Variants in ZRANB3 observed in about 807,000 individuals in gnomAD.
ZRANB3 encodes zinc finger RANBP2-type containing 3.
In ZRANB3, 125 loss-of-function variants were observed where a neutral mutation model predicts 133.8. The ratio of observed to expected loss-of-function variants is 0.93; its 90% CI spans 0.81 to 1.08. ZRANB3 has a LOEUF of 1.08. ZRANB3 is among the 50% of genes least tolerant of loss of function. The pLI is 0.00. For missense variants in ZRANB3, 1,229 were observed against 1,275.5 expected (o/e 0.96, Z 0.56); for synonymous variants, 387 against 432.7 (o/e 0.89, Z 1.31).
chr2:135,495,260 A>T (rs1171683772), intron 2 of ZRANB3, among the ~76,000 whole-genome samples: 1 of 152,196 alleles, frequency 6.6e-6, no homozygotes, highest in East Asian at 1.9e-4. Flanking sequence ...AAAAAAAATA[A>T]AAAGTTAAAT....
At chr2:135,316,836 T>G (rs1296668667) in intron 6 of ZRANB3, among the ~76,000 whole-genome samples, 3 of 151,694 alleles carry the variant, frequency 2.0e-5, no homozygotes, top group African/African-American at 7.3e-5. Flanking sequence ...CATGGTGGTG[T>G]GTGCCTGTAG....
intron 1 of ZRANB3, among the ~76,000 whole-genome samples, chr2:135,514,675 T>C (rs1020211963): frequency 6.6e-5 from 10 of 152,174 alleles, no homozygotes; most frequent in Admixed American, 5.2e-4. Context: ...ACCAATACTA[T>C]GCTGAATAGG....
Position 135,426,869 on chromosome 2 carries a change from T to A in ZRANB3, c.162-36049A>T, listed in dbSNP as rs1216188735. ...AAAAAAAAAAAAAAAAAAAAATATA[T>A]ATATATATATATATATATATATATA... On this transcript the variant is annotated intron_variant, in intron 2 of 20. Coordinates refer to ENST00000264159, the MANE Select transcript of ZRANB3 (RefSeq NM_032143.4). Among the ~76,000 whole-genome samples the A allele has an allele frequency of 7.2e-3, 102 of 14,110 alleles. 17 individuals are homozygous for A. In the East Asian group the frequency reaches 0.16, roughly 22 times the overall value. The allele number at this position is 14,110 out of a possible 152,430, so 9.3% of individuals were successfully genotyped here. A position where few individuals can be genotyped will look rare whatever the true frequency, so the allele number is the denominator to read the frequency against.
chr2:135,500,053 G>A (rs980147198), intron 2 of ZRANB3, among the ~76,000 whole-genome samples: 4 of 152,136 alleles, frequency 2.6e-5, no homozygotes, highest in African/African-American at 9.7e-5. Context: ...AGTCAAGAAA[G>A]AGAGCCCTGG....
intron 15 of ZRANB3, among the ~76,000 whole-genome samples, chr2:135,223,658 TA>T (rs1357796924): frequency 1.3e-5 from 2 of 152,164 alleles, no homozygotes; most frequent in African/African-American, 4.8e-5. Flanking sequence ...GGCTCCATTT[TA>T]ATTTCAAATA....
intron 12 of ZRANB3, among the ~76,000 whole-genome samples, chr2:135,259,188 T>A (rs1679818153): frequency 6.6e-6 from 1 of 151,826 alleles, no homozygotes; most frequent in African/African-American, 2.4e-5. Context: ...CCCAGCTAAT[T>A]TTCTTATTTT....
At chr2:135,224,303 TTA>T in intron 15 of ZRANB3, 121 bp downstream of exon 15, 1 of 756,956 alleles carries the variant, frequency 1.3e-6, no homozygotes, top group South Asian at 2.5e-5. Context: ...AATTTGAGAA[TTA>T]GCTTTGAGGA....
intron 8 of ZRANB3, among the ~76,000 whole-genome samples, chr2:135,299,064 T>C (rs1006766300): frequency 2.3e-4 from 35 of 152,244 alleles, no homozygotes; most frequent in Admixed American, 4.6e-4. Context: ...CAGGACTATA[T>C]AGATTCTAAG....
intron 12 of ZRANB3, among the ~76,000 whole-genome samples, chr2:135,242,871 C>T (rs549245810): frequency 6.6e-6 from 1 of 151,978 alleles, no homozygotes; most frequent in Admixed American, 6.5e-5. Flanking sequence ...TTTTCTTATT[C>T]ATGTTTCATG....
At chr2:135,497,142 C>T (rs895671910) in intron 2 of ZRANB3, among the ~76,000 whole-genome samples, 1 of 152,068 alleles carries the variant, frequency 6.6e-6, no homozygotes, top group Non-Finnish European at 1.5e-5. Flanking sequence ...GAATGAAATA[C>T]TCTGTATTAT....
chr2:135,460,206 C>T (rs1027086936), intron 2 of ZRANB3, among the ~76,000 whole-genome samples: 1 of 151,772 alleles, frequency 6.6e-6, no homozygotes, highest in African/African-American at 2.4e-5. Flanking sequence ...CCAATGGTGA[C>T]TTTTAGTTTA....
chr2:135,530,125 G>A (rs1694416796), intron 1 of ZRANB3, among the ~76,000 whole-genome samples: 1 of 151,054 alleles, frequency 6.6e-6, no homozygotes. Flanking sequence ...TACTCCGGAG[G>A]CTGAGACAGG....
chr2:135,446,071 T>C (rs56123823), intron 2 of ZRANB3, among the ~76,000 whole-genome samples: 6,712 of 151,314 alleles, frequency 0.044, 499 homozygotes, highest in African/African-American at 0.16. Flanking sequence ...CTGGGCATAG[T>C]GGTGAGTGCC....
intron 1 of ZRANB3, chr2:135,511,577 G>A: frequency 2.2e-6 from 2 of 913,122 alleles, no homozygotes; most frequent in Non-Finnish European, 3.7e-6. Context: ...ACATAGAACT[G>A]ATTTGCAACA....
chr2:135,309,397 C>T (rs185513125), intron 8 of ZRANB3, among the ~76,000 whole-genome samples: 25 of 152,002 alleles, frequency 1.6e-4, no homozygotes, highest in Admixed American at 8.5e-4. Context: ...CTTCCTTCAA[C>T]GTAATAGGCA....
intron 8 of ZRANB3, among the ~76,000 whole-genome samples, chr2:135,294,576 T>C (rs948636900): frequency 6.6e-6 from 1 of 152,026 alleles, no homozygotes; most frequent in Non-Finnish European, 1.5e-5. Flanking sequence ...TTTTGAAGGG[T>C]TTTTTGTGTC....
intron 12 of ZRANB3, among the ~76,000 whole-genome samples, chr2:135,244,333 T>C (rs573940535): frequency 7.2e-4 from 109 of 152,154 alleles, no homozygotes; most frequent in African/African-American, 2.4e-3. Flanking sequence ...TAGCTAGGCA[T>C]TGGGGCTCAC....
intron 2 of ZRANB3, among the ~76,000 whole-genome samples, chr2:135,422,108 G>A (rs371085478): frequency 3.9e-5 from 6 of 151,936 alleles, no homozygotes; most frequent in African/African-American, 1.5e-4. Context: ...CATTCGTAGA[G>A]TCAATAAAAC....
chr2:135,474,196 C>G (rs1691401739), intron 2 of ZRANB3, among the ~76,000 whole-genome samples: 1 of 151,900 alleles, frequency 6.6e-6, no homozygotes, highest in Non-Finnish European at 1.5e-5. Context: ...ATCTCAAAAA[C>G]AAACAAACTG....
Sources: allele counts gnomAD v4.1 joint callset (sites outside exome capture counted in the v4.1 genomes callset), GRCh38; gene constraint gnomAD v4.1.1; transcripts MANE v1.5; gene names NCBI Gene and HGNC (gene_info 2026-07-23, HGNC 2026-07-21).